Variants in DCP1B observed in about 807,000 individuals in gnomAD.
DCP1B encodes the protein decapping mRNA 1B.
A neutral mutation model predicts 60.5 loss-of-function variants in DCP1B; 47 were observed. That is an observed-to-expected ratio of 0.78 (90% CI 0.61 to 0.99). The LOEUF (loss-of-function observed/expected upper bound fraction) is 0.99, where lower values mean the gene tolerates loss of function less well. Ranked by LOEUF, DCP1B falls within the 50% of genes least tolerant of loss-of-function variation. The pLI, the probability that DCP1B is intolerant of heterozygous loss-of-function variation, is 0.00. For missense variants in DCP1B, 725 were observed against 756.8 expected (o/e 0.96, Z 0.49); for synonymous variants, 267 against 280.3 (o/e 0.95, Z 0.47).
chr12:1,981,986 G>C (rs969770335), intron 3 of DCP1B, among the ~76,000 whole-genome samples: 1 of 152,144 alleles, frequency 6.6e-6, no homozygotes, highest in African/African-American at 2.4e-5. Flanking sequence ...GATCTGAAAG[G>C]GTAACTGACC....
chr12:2,003,861 C>G (rs2042740599), intron 1 of DCP1B, among the ~76,000 whole-genome samples: 2 of 152,158 alleles, frequency 1.3e-5, no homozygotes, highest in Non-Finnish European at 2.9e-5. Flanking sequence ...GACTGACATT[C>G]CAAAATCAGA....
intron 1 of DCP1B, among the ~76,000 whole-genome samples, chr12:2,000,203 G>T (rs1593395672): frequency 6.6e-6 from 1 of 152,162 alleles, no homozygotes; most frequent in South Asian, 2.1e-4. Context: ...TAAATTTGTA[G>T]AAAGTATTTG....
At chr12:1,999,657 T>C (rs2041735893) in intron 1 of DCP1B, among the ~76,000 whole-genome samples, 1 of 152,050 alleles carries the variant, frequency 6.6e-6, no homozygotes, top group African/African-American at 2.4e-5. Context: ...GCCCAGGAGT[T>C]TGAGGCTACA....
intron 2 of DCP1B, among the ~76,000 whole-genome samples, chr12:1,994,238 C>T (rs1018486213): frequency 1.3e-5 from 2 of 152,210 alleles, no homozygotes; most frequent in Admixed American, 6.5e-5. Flanking sequence ...CATACTTACA[C>T]ACTGAAGCTG....
At chr12:1,996,648 AAAAAAAACAAC>A (rs1327185584) in intron 2 of DCP1B, among the ~76,000 whole-genome samples, 1,009 of 49,448 alleles carry the variant, frequency 0.02, 97 homozygotes, top group Non-Finnish European at 0.028. Context: ...AAAAAAAAAA[AAAAAAAACAAC>A]AAACTCTTCT....
At chr12:1,941,965 A>C (rs1427221029), downstream of DCP1B, among the ~76,000 whole-genome samples, 1 of 152,248 alleles carries the variant, frequency 6.6e-6, no homozygotes, top group African/African-American at 2.4e-5. Flanking sequence ...TAAATGGGCT[A>C]AATGCCCCAA....
rs1271046521 is a variant in DCP1B at position 1,948,034 on chromosome 12, C to T, written c.1773+1052G>A. Among the ~76,000 whole-genome samples the T allele has an allele frequency of 3.9e-5, 6 of 152,154 alleles. No individual in the cohort carries two copies. Among genetic ancestry groups the T allele is most frequent in the East Asian group, 3.9e-4 (2 of 5,178 alleles). On this transcript the variant is annotated intron_variant, in intron 8 of 8. Coordinates refer to ENST00000280665, the MANE Select transcript of DCP1B (RefSeq NM_152640.5). This position sits in a 1 kb window ranked among gnomAD's most constrained non-coding sequence, Gnocchi z 4.8. ...GTCTTTTTAAGTAGGATAAGACAAC[C>T]GCAGAAGGGCTGGCCTGCTCTCTAA...
chr12:1,975,833 A>G (rs867017506), intron 3 of DCP1B, among the ~76,000 whole-genome samples: 10 of 152,282 alleles, frequency 6.6e-5, no homozygotes, highest in African/African-American at 2.4e-4. Context: ...TACATAAGAA[A>G]TGTATATATT....
At chr12:1,970,336 T>C (rs2031894236) in intron 3 of DCP1B, among the ~76,000 whole-genome samples, 1 of 152,190 alleles carries the variant, frequency 6.6e-6, no homozygotes, top group Admixed American at 6.5e-5. Flanking sequence ...GCTTTAAAAA[T>C]TAAAATGAGA....
intron 6 of DCP1B, among the ~76,000 whole-genome samples, chr12:1,955,045 T>C (rs1265264243): frequency 6.6e-6 from 1 of 152,154 alleles, no homozygotes; most frequent in Non-Finnish European, 1.5e-5. Flanking sequence ...CCTGTAGAGA[T>C]GGAGTCTCAC....
intron 5 of DCP1B, among the ~76,000 whole-genome samples, chr12:1,957,069 C>T (rs1405627286): frequency 6.6e-6 from 1 of 152,206 alleles, no homozygotes; most frequent in African/African-American, 2.4e-5. Flanking sequence ...GTAACAATTG[C>T]TCCCTCTTAT....
At chr12:2,003,904 C>G (rs1406362030) in intron 1 of DCP1B, among the ~76,000 whole-genome samples, 1 of 152,170 alleles carries the variant, frequency 6.6e-6, no homozygotes, top group African/African-American at 2.4e-5. Flanking sequence ...CTGTCCCTGC[C>G]TCCCCCATAG....
At chr12:1,947,239 T>C (rs777570344) in intron 8 of DCP1B, among the ~76,000 whole-genome samples, 1 of 152,192 alleles carries the variant, frequency 6.6e-6, no homozygotes, top group Non-Finnish European at 1.5e-5. Flanking sequence ...TTCTAGAGAC[T>C]TCTCCCTCCC....
chr12:1,960,499 T>C (rs1249768066), intron 5 of DCP1B, among the ~76,000 whole-genome samples: 3 of 152,238 alleles, frequency 2.0e-5, no homozygotes, highest in African/African-American at 7.2e-5. Flanking sequence ...ACTAATATAT[T>C]GTATACTGAA....
intron 2 of DCP1B, among the ~76,000 whole-genome samples, chr12:1,995,979 T>C (rs191529662): frequency 6.6e-6 from 1 of 152,226 alleles, no homozygotes; most frequent in Non-Finnish European, 1.5e-5. Context: ...TCAAGCCACA[T>C]TCTTGACCTC....
intron 3 of DCP1B, among the ~76,000 whole-genome samples, chr12:1,988,370 C>T (rs993267364): frequency 5.3e-5 from 8 of 152,172 alleles, no homozygotes; most frequent in African/African-American, 1.9e-4. Context: ...AGAAGTGATA[C>T]ATATCACTTT....
In DCP1B at chr12:1,985,306, C is replaced by T. The variant is rs576407301; in HGVS notation, c.319+7958G>A. ...GGCCCTGTTCATTTTTAAAAAACAT[C>T]TTGGCTCTATATTCTTCAGGTTTGA... On this transcript the variant is annotated intron_variant, in intron 3 of 8. Transcript: ENST00000280665. Among the ~76,000 whole-genome samples, 5 of 152,286 alleles carry T rather than the reference C, an allele frequency of 3.3e-5. No individual in the cohort carries two copies. The East Asian group carries it at 9.6e-4, about 29-fold the overall frequency.
chr12:1,974,469 C>T (rs1001335708), intron 3 of DCP1B, among the ~76,000 whole-genome samples: 1 of 152,188 alleles, frequency 6.6e-6, no homozygotes, highest in Non-Finnish European at 1.5e-5. Flanking sequence ...TATGTAGACA[C>T]TAATGTACTC....
At chr12:1,978,100 T>A (rs1283476731) in intron 3 of DCP1B, among the ~76,000 whole-genome samples, 4 of 152,218 alleles carry the variant, frequency 2.6e-5, no homozygotes, top group Non-Finnish European at 5.9e-5. Flanking sequence ...TATTAAGTTA[T>A]ACGGTTTCCA....
Sources: allele counts gnomAD v4.1 joint callset (sites outside exome capture counted in the v4.1 genomes callset), GRCh38; gene constraint gnomAD v4.1.1; non-coding constraint Gnocchi (gnomAD v3.1); transcripts MANE v1.5; gene names NCBI Gene and HGNC (gene_info 2026-07-23, HGNC 2026-07-21).